Variants in STK32C observed in about 807,000 individuals in gnomAD.
STK32C encodes serine/threonine kinase 32C.
STK32C carries 31 observed loss-of-function variants against 56.5 expected under a neutral mutation model. The ratio of observed to expected loss-of-function variants is 0.55; its 90% CI spans 0.41 to 0.74. The LOEUF is 0.74. Among genes scored for constraint, STK32C ranks in the 30% least tolerant of loss-of-function variants. The pLI is 0.00. For synonymous variants in STK32C, 309 were observed against 289.4 expected, an observed-to-expected ratio of 1.07 and a Z score of -0.69; for missense variants, 544 against 676.9, an observed-to-expected ratio of 0.80 and a Z score of 2.18.
chr10:132,282,002 A>T (rs910378951), intron 1 of STK32C, among the ~76,000 whole-genome samples: 2 of 152,186 alleles, frequency 1.3e-5, no homozygotes, highest in Non-Finnish European at 2.9e-5. Flanking sequence ...CTGAGCGCCG[A>T]CATTCAGAGG....
chr10:132,219,739 TG>T (rs1203795188), intron 10 of STK32C, among the ~76,000 whole-genome samples: 3 of 151,948 alleles, frequency 2.0e-5, no homozygotes, highest in African/African-American at 7.3e-5. Flanking sequence ...CCTGACCCAC[TG>T]GGGGGCCGTG....
chr10:132,283,602 A>G (rs565825741), intron 1 of STK32C, among the ~76,000 whole-genome samples: 1 of 152,186 alleles, frequency 6.6e-6, no homozygotes, highest in African/African-American at 2.4e-5. Flanking sequence ...TGTGACCTGC[A>G]AGTTGCAGCA....
intron 8 of STK32C, 21 bp from the exon 9 acceptor site, chr10:132,223,007 G>C: frequency 6.5e-7 from 1 of 1,544,242 alleles, no homozygotes. Context: ...GCATGAGTCA[G>C]AGGGTCCAGG....
intron 1 of STK32C, among the ~76,000 whole-genome samples, chr10:132,258,485 G>A (rs548132950): frequency 3.9e-4 from 60 of 152,336 alleles, no homozygotes; most frequent in South Asian, 1.2e-3. Context: ...TCCTCAGGAC[G>A]GGTCCAGTGC....
intron 2 of STK32C, among the ~76,000 whole-genome samples, chr10:132,233,044 G>A (rs950224061): frequency 1.3e-5 from 2 of 152,164 alleles, no homozygotes; most frequent in Non-Finnish European, 2.9e-5. Context: ...AATCCTTCCT[G>A]GGGGAGCTTC....
rs1421148779 is a variant in STK32C, at chr10:132,208,119, G to C, written c.1352C>G (p.Pro451Arg). The C allele has an allele frequency of 2.3e-6, 3 of 1,310,668 alleles. No homozygotes were observed. The highest frequency in any genetic ancestry group is 2.9e-6 in the Non-Finnish European group (3 of 1,021,362). The allele number at this position is 1,310,668 out of a possible 1,614,324, so 81.2% of individuals were successfully genotyped here. Reference sequence around the variant, plus strand: ...ATCCCTGGACTCAGGGGCGGGGAGAGGCTCCCTCGGGAGGTCCTGGCTCCT... The same window carrying C: ...ATCCCTGGACTCAGGGGCGGGGAGACGCTCCCTCGGGAGGTCCTGGCTCCT... ...LKRSQDLPRE[P>R]LPAPESRDAA... The change falls in exon 12 of 12, where the codon CCT becomes CGT. Residue 451 changes from proline (P) to arginine (R), a missense_variant. By Grantham distance (103) the Pro-to-Arg change is moderately radical (BLOSUM62 -2). Coordinates refer to ENST00000298630, the MANE Select transcript of STK32C (RefSeq NM_173575.4).
At chr10:132,213,084 C>A (rs1011430623) in intron 10 of STK32C, among the ~76,000 whole-genome samples, 2 of 152,246 alleles carry the variant, frequency 1.3e-5, no homozygotes, top group Admixed American at 1.3e-4. Context: ...CAAGGATGAT[C>A]CCTTCCTGGC....
intron 1 of STK32C, among the ~76,000 whole-genome samples, chr10:132,294,071 TG>T (rs1219785189): frequency 4.6e-5 from 7 of 151,742 alleles, no homozygotes; most frequent in Admixed American, 3.9e-4. Flanking sequence ...AGTCGGAGGG[TG>T]GACGGAAAAG....
intron 1 of STK32C, among the ~76,000 whole-genome samples, chr10:132,291,303 AGGAAGGACAGGCTCCACT>A (rs2065556242): frequency 6.6e-6 from 1 of 152,200 alleles, no homozygotes; most frequent in Admixed American, 6.5e-5. Flanking sequence ...ACAGGTCCAC[AGGAAGGACAGGCTCCACT>A]GGCTGTGGGT....
chr10:132,231,678 T>C (rs11818716), intron 2 of STK32C, among the ~76,000 whole-genome samples: 2,507 of 152,298 alleles, frequency 0.016, 83 homozygotes, highest in African/African-American at 0.055. Context: ...AGGTCCTGAA[T>C]TGGGATGGGC....
At chr10:132,265,425 A>G (rs1381245023) in intron 1 of STK32C, among the ~76,000 whole-genome samples, 1 of 152,164 alleles carries the variant, frequency 6.6e-6, no homozygotes, top group African/African-American at 2.4e-5. Flanking sequence ...ACTAGGGCAG[A>G]AGCGACCACC....
intron 1 of STK32C, among the ~76,000 whole-genome samples, chr10:132,266,698 C>T (rs866290634): frequency 1.6e-4 from 24 of 151,086 alleles, no homozygotes; most frequent in African/African-American, 3.4e-4. Context: ...GGAAGGAACG[C>T]GGGCGTGGGT....
At chr10:132,227,907 A>G (rs1234136120) in intron 3 of STK32C, 70 bp downstream of exon 3, 10 of 1,566,672 alleles carry the variant, frequency 6.4e-6, no homozygotes, top group Non-Finnish European at 8.6e-6. Flanking sequence ...CAAGGGCAGG[A>G]GAGGATAGCC....
rs576496493 is a variant in STK32C at position 132,208,088 on chromosome 10, C to T, written c.1383G>A (p.Ala461=). 44 of 1,311,228 alleles carry T rather than the reference C, an allele frequency of 3.4e-5. No homozygotes were observed. The highest frequency in any genetic ancestry group is 9.2e-5 in the Admixed American group (3 of 32,650). The allele number at this position is 1,311,228 out of a possible 1,614,324, so 81.2% of individuals were successfully genotyped here. A position where few individuals can be genotyped will look rare whatever the true frequency, so the allele number is the denominator to read the frequency against. ...PLPAPESRDA[A]EPVEDEAERS... ...GTTCCGCCTCGTCCTCCACAGGCTC[C>T]GCAGCATCCCTGGACTCAGGGGCGG... Residue 461 remains alanine (A), a synonymous_variant, in exon 12 of 12, where the codon GCG becomes GCA. Coordinates refer to ENST00000298630, the MANE Select transcript of STK32C (RefSeq NM_173575.4).
At chr10:132,220,242 C>A (rs1425282392) in intron 10 of STK32C, among the ~76,000 whole-genome samples, 2 of 152,184 alleles carry the variant, frequency 1.3e-5, no homozygotes, top group Non-Finnish European at 2.9e-5. Context: ...ACAGGCCGAC[C>A]CCACGCGGCA....
At chr10:132,298,115 T>G (rs2065808788) in intron 1 of STK32C, among the ~76,000 whole-genome samples, 1 of 152,148 alleles carries the variant, frequency 6.6e-6, no homozygotes. Context: ...TTCCAACTCG[T>G]CCCTGCTCTC....
chr10:132,316,340 C>T (rs368681343), intron 1 of STK32C, among the ~76,000 whole-genome samples: 11 of 152,246 alleles, frequency 7.2e-5, no homozygotes, highest in African/African-American at 2.6e-4. Context: ...AGGCCAGGCA[C>T]GGTGACTCAT....
At chr10:132,235,428 G>A (rs1228823680) in intron 2 of STK32C, among the ~76,000 whole-genome samples, 4 of 130,340 alleles carry the variant, frequency 3.1e-5, no homozygotes, top group Non-Finnish European at 4.8e-5. Context: ...CCTGGGAGGC[G>A]GAGGTTGCAG....
chr10:132,281,913 G>C (rs554354896), intron 1 of STK32C, among the ~76,000 whole-genome samples: 1 of 152,292 alleles, frequency 6.6e-6, no homozygotes, highest in East Asian at 1.9e-4. Flanking sequence ...GGGGGGAAGA[G>C]AGCTCCTCAG....
Sources: allele counts gnomAD v4.1 joint callset (sites outside exome capture counted in the v4.1 genomes callset), GRCh38; gene constraint gnomAD v4.1.1; transcripts MANE v1.5; gene names NCBI Gene and HGNC (gene_info 2026-07-23, HGNC 2026-07-21).